CCDC7: variants seen among roughly 807,000 people sequenced by gnomAD.
CCDC7 encodes the protein coiled-coil domain-containing protein 7.
A neutral mutation model predicts 196.9 loss-of-function variants in CCDC7; 183 were observed. The observed-to-expected ratio is 0.93, with a 90% CI of 0.82 to 1.05. CCDC7 has a LOEUF of 1.05. Among genes scored for constraint, CCDC7 ranks in the 50% least tolerant of loss-of-function variants. CCDC7 has a pLI of 0.00. For synonymous variants in CCDC7, 525 were observed against 484.6 expected, an observed-to-expected ratio of 1.08 and a Z score of -1.10; for missense variants, 1,540 against 1,482.2, an observed-to-expected ratio of 1.04 and a Z score of -0.64.
rs545517167 is a variant in CCDC7, at chr10:32,739,254, G to C, written c.2905+9797G>C. On this transcript the variant is annotated intron_variant, in intron 28 of 41. Coordinates refer to ENST00000639629, the Ensembl canonical transcript of CCDC7. Reference sequence around the variant, plus strand: ...TTTCTTGTTTGCTTTTTCTCCTTCTGTTACTCTCATTATGTACGTATTATA... The same window carrying C: ...TTTCTTGTTTGCTTTTTCTCCTTCTCTTACTCTCATTATGTACGTATTATA... Among the ~76,000 whole-genome samples, 15 of 151,158 alleles carry C rather than the reference G, an allele frequency of 9.9e-5. 1 individual carries two copies. Among genetic ancestry groups the C allele is most frequent in the South Asian group, 2.1e-4 (1 of 4,752 alleles).
At chr10:32,706,313 T>C (rs1343856912) in intron 24 of CCDC7, among the ~76,000 whole-genome samples, 2 of 152,046 alleles carry the variant, frequency 1.3e-5, no homozygotes, top group South Asian at 2.1e-4. Flanking sequence ...GGGACACATT[T>C]AAAGCAGTAT....
chr10:32,864,055 T>C (rs1163022260), intron 41 of CCDC7, among the ~76,000 whole-genome samples: 1 of 149,632 alleles, frequency 6.7e-6, no homozygotes, highest in Admixed American at 6.7e-5. Context: ...TTATAAGGAA[T>C]ACTTACAACT....
chr10:32,521,579 G>GTT (rs796859388), intron 11 of CCDC7, among the ~76,000 whole-genome samples: 22 of 139,260 alleles, frequency 1.6e-4, no homozygotes, highest in African/African-American at 2.6e-4. Context: ...AGTTCTAAGA[G>GTT]TTTTTTTTTT....
chr10:32,754,514 A>G (rs1281172414), intron 28 of CCDC7, among the ~76,000 whole-genome samples: 2 of 152,212 alleles, frequency 1.3e-5, no homozygotes, highest in Admixed American at 1.3e-4. Flanking sequence ...ATGAAATTTT[A>G]TAAATATGAT....
chr10:32,600,210 C>G lies in CCDC7; in HGVS notation c.1801+15906C>G, dbSNP rs554054202. The stretch of plus-strand genomic sequence containing the variant: ...AATCCATGAGCATGGGATGTGTTTT[C>G]ATTTGTTTGTGTCATATGTGATTTC... On this transcript the variant is annotated intron_variant, in intron 18 of 41. Coordinates refer to ENST00000639629, the Ensembl canonical transcript of CCDC7. Among the ~76,000 whole-genome samples, 219 of 151,420 alleles carry G rather than the reference C, an allele frequency of 1.4e-3. 1 individual carries two copies. Among genetic ancestry groups the G allele is most frequent in the African/African-American group, 5.0e-3 (208 of 41,392 alleles).
chr10:32,850,774 AACACAC>A (rs59662474), intron 39 of CCDC7, among the ~76,000 whole-genome samples: 1,734 of 146,792 alleles, frequency 0.012, 36 homozygotes, highest in African/African-American at 0.031. Flanking sequence ...TGTCTCTGAC[AACACAC>A]ACACACACAC....
intron 8 of CCDC7, among the ~76,000 whole-genome samples, chr10:32,479,815 A>T (rs1458121506): frequency 6.9e-6 from 1 of 144,080 alleles, no homozygotes; most frequent in African/African-American, 2.5e-5. Context: ...TTAGGCCATA[A>T]AACCACTGGG....
intron 24 of CCDC7, among the ~76,000 whole-genome samples, chr10:32,702,760 C>A (rs1470452547): frequency 1.3e-5 from 2 of 152,056 alleles, no homozygotes; most frequent in Non-Finnish European, 2.9e-5. Context: ...ATCCCTTTAC[C>A]ATTATGTAAT....
intron 20 of CCDC7, among the ~76,000 whole-genome samples, chr10:32,660,889 C>T (rs1324742403): frequency 1.7e-4 from 24 of 142,710 alleles, no homozygotes; most frequent in Admixed American, 1.6e-3. Context: ...AAAACCTAGG[C>T]ATTACCATTC....
At chr10:32,755,925 G>A (rs926985618) in intron 28 of CCDC7, among the ~76,000 whole-genome samples, 1 of 152,142 alleles carries the variant, frequency 6.6e-6, no homozygotes, top group Non-Finnish European at 1.5e-5. Flanking sequence ...ACGTGATGGA[G>A]CAGAAAACCA....
chr10:32,532,674 A>G (rs2049862382), intron 11 of CCDC7, among the ~76,000 whole-genome samples: 1 of 152,152 alleles, frequency 6.6e-6, no homozygotes, highest in South Asian at 2.1e-4. Context: ...GGATGCACAG[A>G]TATTTATAGT....
chr10:32,702,382 A>G (rs545799237), intron 24 of CCDC7, among the ~76,000 whole-genome samples: 2 of 152,172 alleles, frequency 1.3e-5, no homozygotes, highest in Non-Finnish European at 2.9e-5. Context: ...GTGGTCTGAG[A>G]GACAGTTTGT....
chr10:32,622,102 A>G (rs1180226399), intron 18 of CCDC7, among the ~76,000 whole-genome samples: 1 of 152,144 alleles, frequency 6.6e-6, no homozygotes, highest in African/African-American at 2.4e-5. Context: ...CAGTTTGCAA[A>G]TGTACTGTCT....
chr10:32,700,487 G>A (rs370759275), intron 24 of CCDC7, among the ~76,000 whole-genome samples: 15 of 152,182 alleles, frequency 9.9e-5, no homozygotes, highest in Non-Finnish European at 1.3e-4. Flanking sequence ...GTCAGGTAGC[G>A]TGATGCCTCC....
chr10:32,714,617 C>T (rs1291987799), intron 25 of CCDC7, among the ~76,000 whole-genome samples: 1 of 152,194 alleles, frequency 6.6e-6, no homozygotes, highest in East Asian at 1.9e-4. Flanking sequence ...GTGGATCCCA[C>T]CCTCACAGAG....
chr10:32,518,232 T>C (rs1305638430), intron 10 of CCDC7, among the ~76,000 whole-genome samples, 184 bp from the exon 12 acceptor site: 3 of 152,130 alleles, frequency 2.0e-5, no homozygotes, highest in African/African-American at 7.2e-5. Flanking sequence ...TTCCAGTCCT[T>C]GACACGTGTA....
intron 32 of CCDC7, among the ~76,000 whole-genome samples, chr10:32,834,199 G>T (rs979745714): frequency 6.6e-6 from 1 of 151,948 alleles, no homozygotes; most frequent in South Asian, 2.1e-4. Flanking sequence ...ACCTGAGAGG[G>T]CACGTTCTAC....
Position 32,636,897 on chromosome 10 carries a change from CCTGA to C in CCDC7, c.2014+1742_2014+1745del, listed in dbSNP as rs1324238095. ...ACATCCTCTCCAGCACCTGTTGTTT[CCTGA>C]CTTTTTAATGATCGCCATTCTAACT... On this transcript the variant is annotated intron_variant, in intron 20 of 41. Transcript: ENST00000639629. Among the ~76,000 whole-genome samples the C allele has an allele frequency of 7.2e-5, 11 of 152,190 alleles. No homozygotes were observed. The South Asian group carries it at 1.7e-3, about 23-fold the overall frequency.
intron 18 of CCDC7, 52 bp from the exon 20 acceptor site, chr10:32,634,202 C>A: frequency 2.5e-6 from 2 of 811,848 alleles, no homozygotes; most frequent in Non-Finnish European, 3.3e-6. Context: ...TTGGAGATTT[C>A]ACAATAGAGC....
Sources: gnomAD v4.1 joint callset for allele counts (sites outside exome capture counted in the v4.1 genomes callset) on GRCh38, gnomAD v4.1.1 for gene constraint, MANE v1.5 for transcripts, NCBI Gene and HGNC (gene_info 2026-07-23, HGNC 2026-07-21) for gene names.